DPYD: variants seen among roughly 807,000 people sequenced by gnomAD.
DPYD encodes dihydropyrimidine dehydrogenase.
A neutral mutation model predicts 116.2 loss-of-function variants in DPYD; 109 were observed. That is an observed-to-expected ratio of 0.94 (90% CI 0.80 to 1.10). DPYD has a LOEUF of 1.10. DPYD is among the 50% of genes least tolerant of loss of function. DPYD has a pLI of 0.00. For missense variants in DPYD, 1,302 were observed against 1,254.5 expected (o/e 1.04, Z -0.57); for synonymous variants, 440 against 432.0 (o/e 1.02, Z -0.23).
chr1:97,592,459 C>T (rs987626407), intron 10 of DPYD, among the ~76,000 whole-genome samples: 4 of 152,256 alleles, frequency 2.6e-5, no homozygotes, highest in East Asian at 1.9e-4. Flanking sequence ...CTCCGCCTCC[C>T]GGGTTCACGC....
At chr1:97,279,007 A>G (rs1665132429) in intron 18 of DPYD, among the ~76,000 whole-genome samples, 1 of 152,120 alleles carries the variant, frequency 6.6e-6, no homozygotes, top group African/African-American at 2.4e-5. Context: ...TGACTTCTTA[A>G]AAAAATTCAA....
intron 18 of DPYD, among the ~76,000 whole-genome samples, chr1:97,245,105 C>G (rs977066148): frequency 3.3e-5 from 5 of 152,040 alleles, no homozygotes; most frequent in African/African-American, 1.2e-4. Flanking sequence ...ACCAGTTGCT[C>G]TGCTAAATTA....
At chr1:97,179,384 T>G (rs1489764984) in intron 20 of DPYD, among the ~76,000 whole-genome samples, 1 of 152,062 alleles carries the variant, frequency 6.6e-6, no homozygotes, top group Non-Finnish European at 1.5e-5. Flanking sequence ...TGATGATGGG[T>G]GGGTGACATT....
intron 3 of DPYD, among the ~76,000 whole-genome samples, chr1:97,799,013 A>G (rs914473633): frequency 1.3e-5 from 2 of 151,966 alleles, no homozygotes; most frequent in Admixed American, 6.6e-5. Context: ...AAAAAGGGGT[A>G]GACATTACGT....
intron 3 of DPYD, among the ~76,000 whole-genome samples, chr1:97,752,290 TCACACACACACACACACA>T (rs146577982): frequency 2.7e-5 from 4 of 145,862 alleles, no homozygotes; most frequent in African/African-American, 5.1e-5. Flanking sequence ...TAAACCTACT[TCACACACACACACACACA>T]CACACACACA....
chr1:97,621,985 G>C (rs1371352630), intron 8 of DPYD, among the ~76,000 whole-genome samples: 1 of 151,972 alleles, frequency 6.6e-6, no homozygotes, highest in Admixed American at 6.6e-5. Context: ...ATATCCACGA[G>C]TCCATCATAC....
At chr1:97,580,655 A>G (rs978430585) in intron 10 of DPYD, among the ~76,000 whole-genome samples, 1 of 152,122 alleles carries the variant, frequency 6.6e-6, no homozygotes, top group African/African-American at 2.4e-5. Context: ...TTTTTGTAAA[A>G]TCCAGATTTA....
At chr1:97,861,262 TAGCAA>T (rs1439901174) in intron 2 of DPYD, among the ~76,000 whole-genome samples, 1 of 151,886 alleles carries the variant, frequency 6.6e-6, no homozygotes, top group Non-Finnish European at 1.5e-5. Context: ...AAGCTGAGTA[TAGCAA>T]AAGAAGATGC....
chr1:97,587,222 TATCTTA>T (rs1654188480), intron 10 of DPYD, among the ~76,000 whole-genome samples: 1 of 152,228 alleles, frequency 6.6e-6, no homozygotes, highest in South Asian at 2.1e-4. Context: ...TGTACTTTAA[TATCTTA>T]GTACCAGGGG....
At chr1:97,732,084 T>C (rs904500372) in intron 4 of DPYD, among the ~76,000 whole-genome samples, 2 of 152,204 alleles carry the variant, frequency 1.3e-5, no homozygotes, top group South Asian at 4.1e-4. Flanking sequence ...TTATAACTTA[T>C]AATTGACTAA....
intron 8 of DPYD, among the ~76,000 whole-genome samples, chr1:97,598,006 A>G (rs1654994503): frequency 6.6e-6 from 1 of 152,210 alleles, no homozygotes; most frequent in South Asian, 2.1e-4. Context: ...AAATATATCC[A>G]TATGGATAAA....
chr1:97,676,081 C>G (rs1250464415), intron 8 of DPYD, among the ~76,000 whole-genome samples: 1 of 152,054 alleles, frequency 6.6e-6, no homozygotes, highest in East Asian at 1.9e-4. Context: ...CCTATGTAAC[C>G]AACATGTATG....
Position 97,450,270 on chromosome 1 carries a change from C to CTA in DPYD, c.1741-49_1741-48dup, listed in dbSNP as rs753455429. On this transcript the variant is annotated intron_variant, in intron 13 of 22. Transcript: ENST00000370192. ...TGAGTCTCCTTTTGACAAAGAAAAGCTATAATCTTTATTATCTGCTCATTT... is the reference window on the plus strand; with the variant it reads ...TGAGTCTCCTTTTGACAAAGAAAAGCTATATAATCTTTATTATCTGCTCATTT... The CTA allele has an allele frequency of 5.8e-5, 93 of 1,602,328 alleles. 1 individual carries two copies. In the East Asian group the frequency reaches 2.1e-3, roughly 35 times the overall value.
At chr1:97,757,348 C>A (rs1042645615) in intron 3 of DPYD, among the ~76,000 whole-genome samples, 7 of 152,008 alleles carry the variant, frequency 4.6e-5, no homozygotes, top group Non-Finnish European at 8.8e-5. Context: ...GTGGAAGAGG[C>A]AGAAGAGATG....
chr1:97,533,141 A>AC (rs1176797450), intron 12 of DPYD, among the ~76,000 whole-genome samples: 1 of 149,186 alleles, frequency 6.7e-6, no homozygotes, highest in Non-Finnish European at 1.5e-5. Context: ...TGATTCAATC[A>AC]CCCCCCACCA....
At chr1:97,399,362 G>A (rs1376571515) in intron 14 of DPYD, among the ~76,000 whole-genome samples, 1 of 152,162 alleles carries the variant, frequency 6.6e-6, no homozygotes, top group Non-Finnish European at 1.5e-5. Flanking sequence ...TAGTAGTATA[G>A]TTTGAAGTCA....
rs549948706 is a variant in DPYD, at chr1:97,463,374, G to A, written c.1741-13151C>T. ...TGTGACTTTGTCCTCCTTGCCTTCT[G>A]CCATGATTGTGAGGCCTCTCTAGCC... is the stretch of plus-strand genomic sequence containing the variant. On this transcript the variant is annotated intron_variant, in intron 13 of 22. Transcript: ENST00000370192. Among the ~76,000 whole-genome samples the A allele has an allele frequency of 8.3e-4, 126 of 152,124 alleles. 1 individual carries two copies. Among genetic ancestry groups the A allele is most frequent in the Non-Finnish European group, 1.4e-3 (98 of 68,036 alleles).
chr1:97,192,954 C>T (rs1280346584), intron 20 of DPYD, 115 bp downstream of exon 20: 2 of 1,202,172 alleles, frequency 1.7e-6, no homozygotes, highest in Non-Finnish European at 2.4e-6. Flanking sequence ...GAAGAAATCA[C>T]ATCCAGGAGG....
intron 12 of DPYD, among the ~76,000 whole-genome samples, chr1:97,524,946 C>T (rs989926631): frequency 1.3e-5 from 2 of 152,220 alleles, no homozygotes; most frequent in East Asian, 1.9e-4. Flanking sequence ...GCTTCTTCTA[C>T]AGCCTTGCCC....
Sources: allele counts gnomAD v4.1 joint callset (sites outside exome capture counted in the v4.1 genomes callset), GRCh38; gene constraint gnomAD v4.1.1; transcripts MANE v1.5; gene names NCBI Gene and HGNC (gene_info 2026-07-23, HGNC 2026-07-21).